Variants in IL16 observed in about 807,000 individuals in gnomAD.
IL16 encodes the protein interleukin 16.
Under a neutral mutation model 110.1 loss-of-function variants are expected in IL16, and 67 were observed. That is an observed-to-expected ratio of 0.61 (90% CI 0.50 to 0.75). The LOEUF is 0.75. IL16 is among the 30% of genes least tolerant of loss of function. The pLI is 0.00. For synonymous variants in IL16, 689 were observed against 662.9 expected, an observed-to-expected ratio of 1.04 and a Z score of -0.61; for missense variants, 1,545 against 1,655.0, an observed-to-expected ratio of 0.93 and a Z score of 1.15.
At chr15:81,197,438 C>T (rs528345317) in intron 1 of IL16, among the ~76,000 whole-genome samples, 173 of 152,216 alleles carry the variant, frequency 1.1e-3, no homozygotes, top group African/African-American at 4.0e-3. Flanking sequence ...GAATTTGGTC[C>T]TGAGATTTCT....
chr15:81,291,611 T>C (rs1408504546), intron 11 of IL16, among the ~76,000 whole-genome samples: 1 of 151,998 alleles, frequency 6.6e-6, no homozygotes, highest in Non-Finnish European at 1.5e-5. Context: ...CTTCAAGCTG[T>C]GATTTTAGGA....
At chr15:81,307,102 A>G (rs3926279) in intron 18 of IL16, among the ~76,000 whole-genome samples, 19,724 of 152,126 alleles carry the variant, frequency 0.13, 1,736 homozygotes, top group African/African-American at 0.25. Context: ...CCAGTCTGAT[A>G]TGGGGGTCAC....
At chr15:81,297,151 A>C (rs766119915) in intron 13 of IL16, 73 bp downstream of exon 13, 10 of 1,466,678 alleles carry the variant, frequency 6.8e-6, no homozygotes, top group Non-Finnish European at 9.3e-6. Context: ...TAAGAGCACA[A>C]ATTGGCCTGA....
At chr15:81,266,983 T>C (rs11637642) in intron 4 of IL16, among the ~76,000 whole-genome samples, 43,387 of 152,106 alleles carry the variant, frequency 0.29, 7,827 homozygotes, top group African/African-American at 0.51. Context: ...TGTGGTGTCC[T>C]AGTGTTAGAA....
At chr15:81,216,606 A>C (rs1207071251) in intron 1 of IL16, among the ~76,000 whole-genome samples, 1 of 152,056 alleles carries the variant, frequency 6.6e-6, no homozygotes, top group East Asian at 1.9e-4. Context: ...TCTTTGAGGA[A>C]TGCTCAGCCA....
At chr15:81,202,853 C>T (rs1165331321) in intron 1 of IL16, among the ~76,000 whole-genome samples, 1 of 152,156 alleles carries the variant, frequency 6.6e-6, no homozygotes, top group Non-Finnish European at 1.5e-5. Flanking sequence ...AATGGGATGG[C>T]TGGGTCAAAT....
At position 81,299,851 on chromosome 15, in the gene IL16, G is replaced by GA; in HGVS notation, c.2527dup (p.Ile843AsnfsTer5). Reference sequence around the variant, plus strand: ...TCCTCCTCCTCCTCCATCAGGCAGAGAATCAGCTCCTTTGAAACCTTTGGC... The same window carrying GA: ...TCCTCCTCCTCCTCCATCAGGCAGAGAAATCAGCTCCTTTGAAACCTTTGGC... On this transcript the variant is annotated frameshift_variant, in exon 14 of 19. Transcript: ENST00000683961. LOFTEE classifies it high-confidence loss of function. The GA allele has an allele frequency of 6.2e-7, 1 of 1,613,874 alleles. No individual in the cohort carries two copies. Among genetic ancestry groups the GA allele is most frequent in the Non-Finnish European group, 8.5e-7 (1 of 1,180,012 alleles).
intron 1 of IL16, among the ~76,000 whole-genome samples, chr15:81,201,838 G>A (rs1472316967): frequency 6.6e-6 from 1 of 152,164 alleles, no homozygotes; most frequent in African/African-American, 2.4e-5. Flanking sequence ...CACACACTGT[G>A]CTGCAGCATG....
intron 1 of IL16, among the ~76,000 whole-genome samples, chr15:81,210,553 G>A (rs904919283): frequency 6.6e-6 from 1 of 152,066 alleles, no homozygotes; most frequent in African/African-American, 2.4e-5. Flanking sequence ...GTATTTTGTA[G>A]TTCTCCTTGT....
chr15:81,301,926 A>G (rs1367634052), intron 15 of IL16, among the ~76,000 whole-genome samples: 2 of 152,174 alleles, frequency 1.3e-5, no homozygotes, highest in African/African-American at 2.4e-5. Context: ...TGGAGCTTTC[A>G]TTATTTCCAC....
At chr15:81,236,893 G>C (rs1044734708) in intron 2 of IL16, among the ~76,000 whole-genome samples, 5 of 152,146 alleles carry the variant, frequency 3.3e-5, no homozygotes, top group Non-Finnish European at 7.4e-5. Flanking sequence ...GGGAAGTGGA[G>C]GTTGCAGTGA....
intron 2 of IL16, among the ~76,000 whole-genome samples, chr15:81,247,284 A>G (rs984569169): frequency 2.6e-5 from 4 of 151,908 alleles, no homozygotes; most frequent in African/African-American, 4.8e-5. Flanking sequence ...CCTTTTTAAT[A>G]TAAGCACTTG....
At chr15:81,223,225 C>T (rs1595963311) in intron 1 of IL16, among the ~76,000 whole-genome samples, 2 of 152,010 alleles carry the variant, frequency 1.3e-5, no homozygotes, top group East Asian at 3.9e-4. Context: ...AGGAAGCTGA[C>T]TCTGTGGGCT....
chr15:81,304,675 C>T (rs1292656262), intron 16 of IL16, among the ~76,000 whole-genome samples: 1 of 152,134 alleles, frequency 6.6e-6, no homozygotes, highest in Non-Finnish European at 1.5e-5. Context: ...GAGGAGGAAC[C>T]TGAGGTTCCT....
intron 1 of IL16, among the ~76,000 whole-genome samples, chr15:81,210,084 G>A (rs1896181929): frequency 6.6e-6 from 1 of 152,162 alleles, no homozygotes; most frequent in African/African-American, 2.4e-5. Context: ...TTCAGCATAT[G>A]GCTAGCCAGT....
At chr15:81,228,676 C>A (rs1379437320) in intron 2 of IL16, among the ~76,000 whole-genome samples, 1 of 152,016 alleles carries the variant, frequency 6.6e-6, no homozygotes, top group African/African-American at 2.4e-5. Context: ...TCCTTTCCCC[C>A]AAACCTTGGG....
At chr15:81,269,036 A>G (rs1387129429) in intron 4 of IL16, among the ~76,000 whole-genome samples, 3 of 152,244 alleles carry the variant, frequency 2.0e-5, no homozygotes, top group Non-Finnish European at 4.4e-5. Context: ...GTTCTCATTC[A>G]TGAATAGTTA....
Position 81,303,569 on chromosome 15 carries a change from C to T in IL16, c.3339C>T (p.Val1113=). 1 of 1,612,848 alleles carries T rather than the reference C, an allele frequency of 6.2e-7. No individual in the cohort carries two copies. The highest frequency in any genetic ancestry group is 8.5e-7 in the Non-Finnish European group (1 of 1,178,806). The change falls in exon 16 of 19, where the codon GTC becomes GTT. Residue 1113 remains valine (V), a synonymous_variant. Transcript: ENST00000683961. This position sits in a 1 kb window ranked among gnomAD's most constrained non-coding sequence, Gnocchi z 4.1. ...ATLKQLDGIH[V]TILHKEEGAG... is the part of the protein sequence containing the mutation. ...TGCAGCAATTAGACGGCATCCATGT[C>T]ACCATCTTACACAAGGAGGAAGGTG...
At chr15:81,234,629 TC>T (rs2142077132) in intron 2 of IL16, among the ~76,000 whole-genome samples, 1 of 152,296 alleles carries the variant, frequency 6.6e-6, no homozygotes, top group African/African-American at 2.4e-5. Context: ...TTCTATAGAG[TC>T]AATATTCATG....
Sources: allele counts gnomAD v4.1 joint callset (sites outside exome capture counted in the v4.1 genomes callset), GRCh38; gene constraint gnomAD v4.1.1; non-coding constraint Gnocchi (gnomAD v3.1); transcripts MANE v1.5; gene names NCBI Gene and HGNC (gene_info 2026-07-23, HGNC 2026-07-21).